The following PPP2R5B variants were observed in gnomAD, a reference collection of about 807,000 sequenced individuals.
PPP2R5B encodes protein phosphatase 2 regulatory subunit B'beta, also known as serine/threonine-protein phosphatase 2A 56 kDa regulatory subunit beta isoform.
A neutral mutation model predicts 59.9 loss-of-function variants in PPP2R5B; 19 were observed. That is an observed-to-expected ratio of 0.32 (90% CI 0.22 to 0.47). PPP2R5B has a LOEUF of 0.47. Ranked by LOEUF, PPP2R5B falls within the 20% of genes least tolerant of loss-of-function variation. The probability of loss-of-function intolerance (pLI) is 1.00; values close to 1 mark genes in which losing one functional copy is unlikely to be tolerated. For missense variants in PPP2R5B, 441 were observed against 640.2 expected (o/e 0.69, Z 3.36); for synonymous variants, 286 against 260.5 (o/e 1.10, Z -0.94).
chr11:64,931,555 A>G lies in PPP2R5B; in HGVS notation c.946-4A>G. Reference sequence around the variant, plus strand: ...AGGCGTGACTCCTGTCTCATCTCCCACAGGTGATCCGGGGGCTGCTCAAAT... The same window carrying G: ...AGGCGTGACTCCTGTCTCATCTCCCGCAGGTGATCCGGGGGCTGCTCAAAT... On this transcript the variant is annotated splice_polypyrimidine_tract_variant and splice_region_variant and intron_variant, in intron 9 of 13. Coordinates refer to ENST00000164133, the MANE Select transcript of PPP2R5B (RefSeq NM_006244.4). This position sits in a 1 kb window ranked among gnomAD's most constrained non-coding sequence, Gnocchi z 5.0. The G allele has an allele frequency of 6.2e-7, 1 of 1,614,064 alleles. No homozygotes were observed. Among genetic ancestry groups the G allele is most frequent in the Non-Finnish European group, 8.5e-7 (1 of 1,179,982 alleles).
At chr11:64,922,189 A>AT (rs367598860), upstream of PPP2R5B, among the ~76,000 whole-genome samples, 675 of 148,770 alleles carry the variant, frequency 4.5e-3, 5 homozygotes, top group East Asian at 0.011. Flanking sequence ...AAAAAAAATA[A>AT]AAAAATAAAA....
In PPP2R5B at chr11:64,930,582, A is replaced by G. The variant is rs1283395310; in HGVS notation, c.884A>G (p.His295Arg). 25 of 1,613,698 alleles carry G rather than the reference A, an allele frequency of 1.5e-5. No homozygotes were observed. Among genetic ancestry groups the G allele is most frequent in the Non-Finnish European group, 2.1e-5 (25 of 1,179,628 alleles). Residue 295 changes from histidine (H) to arginine (R), a missense_variant, in exon 8 of 14, where the codon CAT becomes CGT. Physicochemically the swap from His to Arg is conservative, Grantham distance 29 (BLOSUM62 0). Transcript: ENST00000164133. ...LHSVKSLSVF[H>R]AQLAYCVVQF... is the part of the protein sequence containing the mutation. ...TCTGTCAAGTCGCTGTCTGTCTTCC[A>G]TGCCCAGGTGAGGCCCAGGCCTGTC...
chr11:64,928,423 C>T lies in PPP2R5B; in HGVS notation c.720C>T (p.Leu240=). The T allele has an allele frequency of 6.2e-7, 1 of 1,614,128 alleles. No individual in the cohort carries two copies. The highest frequency in any genetic ancestry group is 8.5e-7 in the Non-Finnish European group (1 of 1,179,978). The change falls in exon 6 of 14, where the codon CTC becomes CTT. Residue 240 remains leucine, a splice_region_variant and synonymous_variant. Coordinates refer to ENST00000164133, the MANE Select transcript of PPP2R5B (RefSeq NM_006244.4). The part of the protein sequence containing the change: ...YIRKQCNHIF[L]RFIYEFEHFN... The stretch of plus-strand genomic sequence containing the variant: ...GCAAACAGTGCAACCACATCTTCCT[C>T]CGGTGAGTGGCTGCTGCCTGCCCAG...
upstream of PPP2R5B, among the ~76,000 whole-genome samples, chr11:64,920,236 T>C (rs922978624): frequency 2.0e-5 from 3 of 152,226 alleles, no homozygotes; most frequent in African/African-American, 7.2e-5. Context: ...CTGGAGCCAC[T>C]CTGGGAGTTT....
Position 64,925,943 on chromosome 11 carries a change from C to T in PPP2R5B, c.199+10C>T. 2.5e-6 allele frequency: 4 copies of T among 1,608,198 alleles called. No individual in the cohort carries two copies. Among genetic ancestry groups the T allele is most frequent in the Non-Finnish European group, 3.4e-6 (4 of 1,178,434 alleles). ...CTGCCCCTGCTCAAAGGTGAGCTGG[C>T]TGCTGGCCACTGGGGGAACCGAACC... On this transcript the variant is annotated intron_variant, in intron 2 of 13. Transcript: ENST00000164133. This position sits in a 1 kb window ranked among gnomAD's most constrained non-coding sequence, Gnocchi z 4.6.
chr11:64,926,797 C>G lies in PPP2R5B; in HGVS notation c.285C>G (p.Ala95=), dbSNP rs150907158. 30 of 1,614,032 alleles carry G rather than the reference C, an allele frequency of 1.9e-5. No homozygotes were observed. The African/African-American group carries it at 3.5e-4, about 19-fold the overall frequency. ...GVMFDFLDCV[A]DLKGKEVKRA... ...TGTTTGACTTCTTGGACTGTGTGGC[C>G]GACCTCAAGGGGAAGGAGGTGAAGC... Residue 95 remains alanine (A), a synonymous_variant, in exon 3 of 14, where the codon GCC becomes GCG. Coordinates refer to ENST00000164133, the MANE Select transcript of PPP2R5B (RefSeq NM_006244.4).
In PPP2R5B at chr11:64,926,855, G is replaced by A. The variant is rs201218993; in HGVS notation, c.343G>A (p.Gly115Arg). 2 of 1,614,086 alleles carry A rather than the reference G, an allele frequency of 1.2e-6. No individual in the cohort carries two copies. The highest frequency in any genetic ancestry group is 1.7e-6 in the Non-Finnish European group (2 of 1,180,034). The change falls in exon 3 of 14, where the codon GGG becomes AGG. Residue 115 changes from glycine (G) to arginine (R), a missense_variant. Physicochemically the swap from Gly to Arg is moderately radical, Grantham distance 125. Transcript: ENST00000164133. Reference sequence around the variant, plus strand: ...CCTCAACGAGCTGGTGGAGTGTGTGGGGAGCACCCGGGGTGTCCTCATCGA... The same window carrying A: ...CCTCAACGAGCTGGTGGAGTGTGTGAGGAGCACCCGGGGTGTCCTCATCGA... ...AALNELVECV[G>R]STRGVLIEPV... is the part of the protein sequence containing the mutation.
chr11:64,928,526 C>T, intron 6 of PPP2R5B, 101 bp downstream of exon 6: 1 of 1,549,696 alleles, frequency 6.5e-7, no homozygotes, highest in Non-Finnish European at 8.8e-7. Flanking sequence ...CCTGTAATCC[C>T]AGCACTTTGG....
intron 6 of PPP2R5B, among the ~76,000 whole-genome samples, chr11:64,930,095 T>G (rs554486882): frequency 6.6e-6 from 1 of 152,240 alleles, no homozygotes; most frequent in African/African-American, 2.4e-5. Flanking sequence ...AGCCTTGAGC[T>G]TGGGACTCAG....
At chr11:64,919,305 T>C (rs941997839) in intron 1 of PPP2R5B, among the ~76,000 whole-genome samples, 6 of 151,442 alleles carry the variant, frequency 4.0e-5, no homozygotes, top group African/African-American at 1.2e-4. Flanking sequence ...TTTGTGCCAC[T>C]GCACTCCAGC....
At chr11:64,930,277 G>A (rs1945214366) in intron 6 of PPP2R5B, 45 bp from the exon 7 acceptor site, 1 of 1,606,696 alleles carries the variant, frequency 6.2e-7, no homozygotes, top group Non-Finnish European at 8.5e-7. Flanking sequence ...GGGGCACTGG[G>A]CCTACCCTGC....
chr11:64,923,740 C>G (rs1164551796), upstream of PPP2R5B, among the ~76,000 whole-genome samples: 1 of 152,204 alleles, frequency 6.6e-6, no homozygotes, highest in Admixed American at 6.5e-5. Context: ...TCTCATCACC[C>G]TTTCCTACTG....
intron 2 of PPP2R5B, 27 bp from the exon 3 acceptor site, chr11:64,926,685 A>G (rs966911877): frequency 1.9e-6 from 3 of 1,609,862 alleles, no homozygotes; most frequent in African/African-American, 2.7e-5. Flanking sequence ...GCTGGGGCCC[A>G]GGCCCAGGAT....
intron 12 of PPP2R5B, 61 bp downstream of exon 12, chr11:64,932,953 C>A (rs1359458659): frequency 1.4e-5 from 23 of 1,601,324 alleles, no homozygotes; most frequent in Non-Finnish European, 1.9e-5. Context: ...CAGTCCAGAC[C>A]CGACCCCAGG....
Position 64,931,582 on chromosome 11 carries a change from C to T in PPP2R5B, c.969C>T (p.Tyr323=), listed in dbSNP as rs757234721. The change falls in exon 10 of 14, where the codon TAC becomes TAT. Residue 323 remains tyrosine, a synonymous_variant. Coordinates refer to ENST00000164133, the MANE Select transcript of PPP2R5B (RefSeq NM_006244.4). The surrounding 1 kb of genome is among the most constrained non-coding windows in gnomAD (Gnocchi z 5.0). ...TEHVIRGLLK[Y]WPKTCTQKEV... The stretch of plus-strand genomic sequence containing the variant: ...AGGTGATCCGGGGGCTGCTCAAATA[C>T]TGGCCAAAAACCTGCACCCAGAAGG... 1.9e-6 allele frequency: 3 copies of T among 1,613,926 alleles called. No homozygotes were observed. The African/African-American group carries it at 4.0e-5, about 22-fold the overall frequency.
At chr11:64,927,563 G>T (rs1945181390) in intron 3 of PPP2R5B, among the ~76,000 whole-genome samples, 1 of 152,174 alleles carries the variant, frequency 6.6e-6, no homozygotes, top group South Asian at 2.1e-4. Context: ...AATTTGCCGG[G>T]CATAGTGGTG....
Position 64,931,589 on chromosome 11 carries a change from A to G in PPP2R5B, c.976A>G (p.Lys326Glu). 1 of 1,614,058 alleles carries G rather than the reference A, an allele frequency of 6.2e-7. No homozygotes were observed. The highest frequency in any genetic ancestry group is 8.5e-7 in the Non-Finnish European group (1 of 1,180,016). The part of the protein sequence containing the change: ...VIRGLLKYWP[K>E]TCTQKEVMFL... Reference sequence around the variant, plus strand: ...CCGGGGGCTGCTCAAATACTGGCCAAAAACCTGCACCCAGAAGGAGGTATG... The same window carrying G: ...CCGGGGGCTGCTCAAATACTGGCCAGAAACCTGCACCCAGAAGGAGGTATG... Residue 326 changes from lysine to glutamate, a missense_variant, in exon 10 of 14, where the codon AAA becomes GAA. Transcript: ENST00000164133. This position sits in a 1 kb window ranked among gnomAD's most constrained non-coding sequence, Gnocchi z 5.0.
chr11:64,934,465 G>A lies in PPP2R5B; in HGVS notation c.*621G>A, dbSNP rs911837525. 2.1e-6 allele frequency: 1 copy of A among 473,834 alleles called. No individual in the cohort carries two copies. The highest frequency in any genetic ancestry group is 2.3e-5 in the South Asian group (1 of 44,254). The allele number at this position is 473,834 out of a possible 1,614,324, so 29.4% of individuals were successfully genotyped here. A position where few individuals can be genotyped will look rare whatever the true frequency, so the allele number is the denominator to read the frequency against. ...TGGCTGGGGGTAGACTTAATAAAGA[G>A]AGAAATTCAAGAACTGCTTGCTTTA... On this transcript the variant is annotated 3_prime_UTR_variant, in exon 14 of 14. Coordinates refer to ENST00000164133, the MANE Select transcript of PPP2R5B (RefSeq NM_006244.4).
chr11:64,922,190 A>T (rs1293650412), upstream of PPP2R5B, among the ~76,000 whole-genome samples: 10 of 98,430 alleles, frequency 1.0e-4, no homozygotes, highest in Non-Finnish European at 1.7e-4. Context: ...AAAAAAATAA[A>T]AAAATAAAAT....
Sources: allele counts gnomAD v4.1 joint callset (sites outside exome capture counted in the v4.1 genomes callset), GRCh38; gene constraint gnomAD v4.1.1; non-coding constraint Gnocchi (gnomAD v3.1); transcripts MANE v1.5; gene names NCBI Gene and HGNC (gene_info 2026-07-23, HGNC 2026-07-21).